The following NPAS2 variants were observed in gnomAD, a reference collection of about 807,000 sequenced individuals.
NPAS2 encodes the protein neuronal PAS domain protein 2, also known as neuronal PAS domain-containing protein 2.
Under a neutral mutation model 107.5 loss-of-function variants are expected in NPAS2, and 23 were observed. The observed-to-expected ratio is 0.21, with a 90% CI of 0.15 to 0.30. The LOEUF is 0.30. Ranked by LOEUF, NPAS2 falls within the 10% of genes least tolerant of loss-of-function variation. The pLI is 1.00. For missense variants in NPAS2, 756 were observed against 1,043.3 expected, an observed-to-expected ratio of 0.72 and a Z score of 3.79; for synonymous variants, 403 against 417.5, an observed-to-expected ratio of 0.97 and a Z score of 0.42.
At chr2:100,875,358 A>G (rs1679887829) in intron 1 of NPAS2, among the ~76,000 whole-genome samples, 1 of 152,206 alleles carries the variant, frequency 6.6e-6, no homozygotes, top group Non-Finnish European at 1.5e-5. Context: ...AATGGACTTA[A>G]TGCCATTGAA....
intron 5 of NPAS2, among the ~76,000 whole-genome samples, chr2:100,947,788 C>G (rs1298689223): frequency 6.6e-6 from 1 of 152,208 alleles, no homozygotes; most frequent in Non-Finnish European, 1.5e-5. Flanking sequence ...ACTTAAAGAC[C>G]TTTACGAAGT....
At chr2:100,886,704 C>T (rs1221267955) in intron 1 of NPAS2, among the ~76,000 whole-genome samples, 2 of 152,128 alleles carry the variant, frequency 1.3e-5, no homozygotes, top group East Asian at 1.9e-4. Flanking sequence ...CCACGTTATG[C>T]GAGAGTCCTT....
chr2:100,988,321 A>T, intron 17 of NPAS2, 45 bp downstream of exon 17: 1 of 1,545,236 alleles, frequency 6.5e-7, no homozygotes. Context: ...TCTAGAGCAG[A>T]CACCCTCTTG....
chr2:100,875,058 C>A (rs1405028761), intron 1 of NPAS2, among the ~76,000 whole-genome samples: 1 of 152,150 alleles, frequency 6.6e-6, no homozygotes, highest in Non-Finnish European at 1.5e-5. Flanking sequence ...AAGCTTAAGC[C>A]CATGTGCTCT....
chr2:100,922,980 TTTTTTGGCTAAGGAGG>T (rs1683332418), intron 2 of NPAS2, among the ~76,000 whole-genome samples: 1 of 152,200 alleles, frequency 6.6e-6, no homozygotes, highest in Non-Finnish European at 1.5e-5. Context: ...GAACAGAGCT[TTTTTTGGCTAAGGAGG>T]TTGCATGTCA....
chr2:100,903,558 T>G (rs1392346595), intron 1 of NPAS2, among the ~76,000 whole-genome samples: 1 of 152,222 alleles, frequency 6.6e-6, no homozygotes, highest in African/African-American at 2.4e-5. Flanking sequence ...AAAATTTTTA[T>G]CTGAAACTTT....
chr2:100,892,673 G>A (rs1184635969), intron 1 of NPAS2, among the ~76,000 whole-genome samples: 1 of 152,076 alleles, frequency 6.6e-6, no homozygotes, highest in Non-Finnish European at 1.5e-5. Context: ...AGGAGCTGCC[G>A]GCTCTCAGGC....
rs1676341028 is a variant in NPAS2 at position 100,968,170 on chromosome 2, A to G, written c.908-111A>G. ...TACAGGGCAACCGGGGAAACAAGCC[A>G]TGTTTGGTATTGTCTTTTTTTTTGA... On this transcript the variant is annotated intron_variant, in intron 10 of 20. Transcript: ENST00000335681. This position sits in a 1 kb window ranked among gnomAD's most constrained non-coding sequence, Gnocchi z 5.3. 1 of 1,142,028 alleles carries G rather than the reference A, an allele frequency of 8.8e-7. No homozygotes were observed. Among genetic ancestry groups the G allele is most frequent in the Non-Finnish European group, 1.3e-6 (1 of 786,258 alleles). 70.7% of individuals were successfully genotyped at this position (1,142,028 alleles called of 1,614,324 possible). A position where few individuals can be genotyped will look rare whatever the true frequency, so the allele number is the denominator to read the frequency against.
intron 7 of NPAS2, among the ~76,000 whole-genome samples, chr2:100,960,066 G>A (rs1385110021): frequency 3.3e-5 from 5 of 152,056 alleles, no homozygotes; most frequent in African/African-American, 9.7e-5. Flanking sequence ...GCTCACCTTT[G>A]TCATCAGACA....
Position 100,919,797 on chromosome 2 carries a change from A to C in NPAS2, c.33-5349A>C, listed in dbSNP as rs528671749. On this transcript the variant is annotated intron_variant, in intron 2 of 20. Coordinates refer to ENST00000335681, the MANE Select transcript of NPAS2 (RefSeq NM_002518.4). ...CCCTGGGCTGTCCTCTCCACCCCTG[A>C]CTATGCACCCCTCAAAGCCACCTCA... 1.7e-3 allele frequency among the ~76,000 whole-genome samples: 253 copies of C among 152,122 alleles called. 1 individual carries two copies. The highest frequency in any genetic ancestry group is 5.9e-3 in the African/African-American group (244 of 41,494).
intron 2 of NPAS2, among the ~76,000 whole-genome samples, chr2:100,916,218 G>T (rs949399701): frequency 6.6e-6 from 1 of 152,132 alleles, no homozygotes; most frequent in African/African-American, 2.4e-5. Context: ...CAGAAAGCAT[G>T]TTAAAATAGA....
intron 1 of NPAS2, among the ~76,000 whole-genome samples, chr2:100,836,087 A>G (rs1211584978): frequency 6.6e-6 from 1 of 152,204 alleles, no homozygotes. Context: ...GTAAGCAGAG[A>G]TGCCAGGCTC....
intron 5 of NPAS2, among the ~76,000 whole-genome samples, chr2:100,945,987 T>C (rs1385216608): frequency 6.6e-6 from 1 of 152,234 alleles, no homozygotes; most frequent in Non-Finnish European, 1.5e-5. Flanking sequence ...AACAAGGCAC[T>C]GGGCCCTGCT....
rs143416643 is a variant in NPAS2 at position 100,936,172 on chromosome 2, G to A, written c.274-1581G>A. ...CTAGTGTTAATTTTCCTGGTGAAAA[G>A]AACTCTTTCCCCTTTCGGCATGGTA... On this transcript the variant is annotated intron_variant, in intron 4 of 20. Coordinates refer to ENST00000335681, the MANE Select transcript of NPAS2 (RefSeq NM_002518.4). Among the ~76,000 whole-genome samples the A allele has an allele frequency of 8.1e-3, 1,229 of 152,306 alleles. 9 individuals are homozygous for A. The highest frequency in any genetic ancestry group is 0.011 in the Non-Finnish European group (741 of 68,018).
rs567738242 is a variant in NPAS2 at position 100,886,357 on chromosome 2, G to A, written c.-22-18376G>A. Among the ~76,000 whole-genome samples, 7 of 152,346 alleles carry A rather than the reference G, an allele frequency of 4.6e-5. No homozygotes were observed. In the South Asian group the frequency reaches 1.2e-3, roughly 27 times the overall value. On this transcript the variant is annotated intron_variant, in intron 1 of 20. Transcript: ENST00000335681. ...TGGATCCCGAGGTCTGCACATAAAA[G>A]GACTTGCTCTGCAGGCTCCCTGGTA... is the stretch of plus-strand genomic sequence containing the variant.
intron 1 of NPAS2, among the ~76,000 whole-genome samples, chr2:100,869,106 T>A (rs1484901138): frequency 8.4e-6 from 1 of 118,720 alleles, no homozygotes; most frequent in Non-Finnish European, 1.6e-5. Flanking sequence ...TTTTTGTATT[T>A]TTTTTTTTTT....
intron 3 of NPAS2, among the ~76,000 whole-genome samples, chr2:100,926,425 C>T (rs1395925885): frequency 1.3e-5 from 2 of 152,162 alleles, no homozygotes; most frequent in Non-Finnish European, 2.9e-5. Flanking sequence ...TCTCCACATC[C>T]TTGGCAACAC....
chr2:100,970,889 G>T lies in NPAS2; in HGVS notation c.1056-101G>T, dbSNP rs533063449. ...GTGTTGACTGTTGTGGGGGGCAGGG[G>T]TTACGTAGAGAACCTCGATGTACCT... On this transcript the variant is annotated intron_variant, in intron 11 of 20. Transcript: ENST00000335681. 201 of 968,046 alleles carry T rather than the reference G, an allele frequency of 2.1e-4. No individual in the cohort carries two copies. In the African/African-American group the frequency reaches 2.7e-3, roughly 13 times the overall value. The allele number at this position is 968,046 out of a possible 1,614,324, so 60.0% of individuals were successfully genotyped here.
At chr2:100,900,750 G>C (rs184280414) in intron 1 of NPAS2, among the ~76,000 whole-genome samples, 5 of 152,122 alleles carry the variant, frequency 3.3e-5, no homozygotes, top group Admixed American at 1.3e-4. Flanking sequence ...CAAATATCCT[G>C]TTTCTCCCCA....
Sources: gnomAD v4.1 joint callset for allele counts (sites outside exome capture counted in the v4.1 genomes callset) on GRCh38, gnomAD v4.1.1 for gene constraint, Gnocchi (gnomAD v3.1) non-coding constraint, MANE v1.5 for transcripts, NCBI Gene and HGNC (gene_info 2026-07-23, HGNC 2026-07-21) for gene names.